The following TMEM132D variants were observed in gnomAD, a reference collection of about 807,000 sequenced individuals.
TMEM132D encodes the protein transmembrane protein 132D, also known as mature OL transmembrane protein.
TMEM132D carries 21 observed loss-of-function variants against 62.3 expected under a neutral mutation model. The ratio of observed to expected loss-of-function variants is 0.34; its 90% CI spans 0.24 to 0.49. The LOEUF (loss-of-function observed/expected upper bound fraction) is 0.49. TMEM132D is among the 20% of genes least tolerant of loss of function. The pLI is 0.99. For synonymous variants in TMEM132D, 621 were observed against 575.6 expected, an observed-to-expected ratio of 1.08 and a Z score of -1.13; for missense variants, 1,346 against 1,402.8, an observed-to-expected ratio of 0.96 and a Z score of 0.65.
chr12:129,123,507 T>C (rs1876123023), intron 5 of TMEM132D, among the ~76,000 whole-genome samples: 1 of 152,228 alleles, frequency 6.6e-6, no homozygotes, highest in South Asian at 2.1e-4. Context: ...CTGTTCTGTC[T>C]ATGTGGGGTC....
In TMEM132D at chr12:129,464,910, C is replaced by T. The variant is rs1264605911; in HGVS notation, c.1115+66149G>A. On this transcript the variant is annotated intron_variant, in intron 3 of 8. Coordinates refer to ENST00000422113, the MANE Select transcript of TMEM132D (RefSeq NM_133448.3). ...TAGTTTGAAGTCAGGTAGCATGATG[C>T]CTCCAGCTTTGTTCTTTTGGCTTAG... Among the ~76,000 whole-genome samples, 13 of 151,072 alleles carry T rather than the reference C, an allele frequency of 8.6e-5. 1 individual carries two copies. The highest frequency in any genetic ancestry group is 3.2e-4 in the African/African-American group (13 of 41,096).
At chr12:129,754,616 A>G (rs1870106913) in intron 1 of TMEM132D, among the ~76,000 whole-genome samples, 1 of 152,178 alleles carries the variant, frequency 6.6e-6, no homozygotes, top group Non-Finnish European at 1.5e-5. Context: ...AGAGGAGAAG[A>G]CACCTTCCCT....
chr12:129,818,313 CTA>C (rs1190482025), intron 1 of TMEM132D, among the ~76,000 whole-genome samples: 6 of 122,756 alleles, frequency 4.9e-5, no homozygotes, highest in Non-Finnish European at 6.7e-5. Context: ...GTGTGTGTGT[CTA>C]TGTCTGTGTA....
At chr12:129,724,899 G>GA (rs1344233252) in intron 1 of TMEM132D, among the ~76,000 whole-genome samples, 3 of 152,226 alleles carry the variant, frequency 2.0e-5, no homozygotes, top group Non-Finnish European at 4.4e-5. Context: ...AGGCACACGG[G>GA]AAGATAGCAT....
At chr12:129,720,030 T>C (rs1384799624) in intron 1 of TMEM132D, among the ~76,000 whole-genome samples, 1 of 152,222 alleles carries the variant, frequency 6.6e-6, no homozygotes, top group Non-Finnish European at 1.5e-5. Flanking sequence ...GTAAACGTTC[T>C]GATAGAACCA....
At chr12:129,377,455 C>T (rs1418910659) in intron 3 of TMEM132D, among the ~76,000 whole-genome samples, 3 of 152,010 alleles carry the variant, frequency 2.0e-5, no homozygotes, top group Non-Finnish European at 2.9e-5. Context: ...AAGAGCATTC[C>T]AGGCTTTGAA....
chr12:129,553,267 C>A (rs1046251795), intron 2 of TMEM132D, among the ~76,000 whole-genome samples: 1 of 152,142 alleles, frequency 6.6e-6, no homozygotes, highest in African/African-American at 2.4e-5. Context: ...TCCCTGGCTG[C>A]GTGAGTCCAT....
chr12:129,844,100 C>T lies in TMEM132D; in HGVS notation c.79+59161G>A, dbSNP rs963857481. Among the ~76,000 whole-genome samples, 4 of 152,132 alleles carry T rather than the reference C, an allele frequency of 2.6e-5. No individual in the cohort carries two copies. In the East Asian group the frequency reaches 5.8e-4, roughly 22 times the overall value. Reference sequence around the variant, plus strand: ...TGGGTGGCAGAGTGAGACTCTGTCTCGGAAACCAACAAATAAAAAGAACTT... The same window carrying T: ...TGGGTGGCAGAGTGAGACTCTGTCTTGGAAACCAACAAATAAAAAGAACTT... On this transcript the variant is annotated intron_variant, in intron 1 of 8. Transcript: ENST00000422113.
At chr12:129,617,065 C>T (rs1878939098) in intron 2 of TMEM132D, among the ~76,000 whole-genome samples, 1 of 152,164 alleles carries the variant, frequency 6.6e-6, no homozygotes, top group Admixed American at 6.5e-5. Context: ...GTGCATTTCT[C>T]AGACTCCTGT....
At chr12:129,503,281 A>G (rs775284400) in intron 3 of TMEM132D, among the ~76,000 whole-genome samples, 1 of 152,214 alleles carries the variant, frequency 6.6e-6, no homozygotes, top group Non-Finnish European at 1.5e-5. Context: ...GAAGAAATCT[A>G]AAGAGTCCAC....
At chr12:129,670,540 T>C (rs1326475218) in intron 2 of TMEM132D, among the ~76,000 whole-genome samples, 1 of 152,004 alleles carries the variant, frequency 6.6e-6, no homozygotes, top group African/African-American at 2.4e-5. Context: ...TCCCTGTGAT[T>C]TCATCCCTAA....
At chr12:129,529,537 C>T (rs1266219665) in intron 3 of TMEM132D, among the ~76,000 whole-genome samples, 1 of 152,232 alleles carries the variant, frequency 6.6e-6, no homozygotes, top group South Asian at 2.1e-4. Context: ...TGGTTCAACT[C>T]CCTCAGTCTC....
At chr12:129,726,102 C>A (rs991087675) in intron 1 of TMEM132D, among the ~76,000 whole-genome samples, 1 of 152,198 alleles carries the variant, frequency 6.6e-6, no homozygotes, top group African/African-American at 2.4e-5. Flanking sequence ...TGTCTCAACT[C>A]ATTGCTGGAA....
intron 3 of TMEM132D, among the ~76,000 whole-genome samples, chr12:129,476,044 T>C (rs937476695): frequency 6.6e-6 from 1 of 152,214 alleles, no homozygotes; most frequent in Non-Finnish European, 1.5e-5. Context: ...TTGAGTACCA[T>C]GTCGGGAAGC....
chr12:129,881,324 T>C (rs1874589459), intron 1 of TMEM132D, among the ~76,000 whole-genome samples: 1 of 152,032 alleles, frequency 6.6e-6, no homozygotes, highest in Non-Finnish European at 1.5e-5. Flanking sequence ...CATAAGAATA[T>C]GGACTATCTG....
chr12:129,393,320 T>A (rs1871338802), intron 3 of TMEM132D, among the ~76,000 whole-genome samples: 2 of 152,234 alleles, frequency 1.3e-5, no homozygotes, highest in Non-Finnish European at 2.9e-5. Flanking sequence ...AATGAGCCAA[T>A]GCTTGCCCTA....
At chr12:129,203,916 G>T (rs927759341) in intron 5 of TMEM132D, among the ~76,000 whole-genome samples, 2 of 152,164 alleles carry the variant, frequency 1.3e-5, no homozygotes, top group Non-Finnish European at 2.9e-5. Context: ...GTAATCAGAG[G>T]GGGCTCCTCA....
intron 3 of TMEM132D, among the ~76,000 whole-genome samples, chr12:129,499,678 G>A (rs112056524): frequency 0.015 from 2,238 of 152,294 alleles, 63 homozygotes; most frequent in African/African-American, 0.051. Context: ...ACATGAACAC[G>A]TGTTCTGGGA....
chr12:129,500,059 T>C (rs769324649), intron 3 of TMEM132D, among the ~76,000 whole-genome samples: 11 of 145,482 alleles, frequency 7.6e-5, no homozygotes, highest in Non-Finnish European at 1.0e-4. Context: ...CATCAGTCAG[T>C]TACCTCCAAT....
Sources: gnomAD v4.1 joint callset for allele counts (sites outside exome capture counted in the v4.1 genomes callset) on GRCh38, gnomAD v4.1.1 for gene constraint, MANE v1.5 for transcripts, NCBI Gene and HGNC (gene_info 2026-07-23, HGNC 2026-07-21) for gene names.